ITFG1: variants seen among roughly 807,000 people sequenced by gnomAD.
ITFG1 encodes the protein T-cell immunomodulatory protein.
A neutral mutation model predicts 81.8 loss-of-function variants in ITFG1; 34 were observed. That is an observed-to-expected ratio of 0.42 (90% CI 0.32 to 0.55). The LOEUF (loss-of-function observed/expected upper bound fraction) is 0.55, where lower values mean the gene tolerates loss of function less well. ITFG1 is among the 20% of genes least tolerant of loss of function. The probability of loss-of-function intolerance (pLI) is 0.17; values close to 1 mark genes in which losing one functional copy is unlikely to be tolerated. For synonymous variants in ITFG1, 285 were observed against 270.6 expected (o/e 1.05, Z -0.52); for missense variants, 672 against 755.4 (o/e 0.89, Z 1.29).
At chr16:47,180,685 C>T (rs1283958947) in intron 14 of ITFG1, among the ~76,000 whole-genome samples, 2 of 152,196 alleles carry the variant, frequency 1.3e-5, no homozygotes, top group East Asian at 1.9e-4. Flanking sequence ...TCACTCAGTG[C>T]TCAATGGTGC....
intron 8 of ITFG1, among the ~76,000 whole-genome samples, chr16:47,339,820 C>G (rs1447870776): frequency 6.6e-6 from 1 of 151,742 alleles, no homozygotes; most frequent in Non-Finnish European, 1.5e-5. Context: ...GGCCAAAAAC[C>G]TTTAGAAATT....
rs532715270 is a variant in ITFG1, at chr16:47,164,762, A to C, written c.1454-2098T>G. ...AATGAAGATTTTCCAGGGAGCTGCT[A>C]GTTCAGACAAAATGTTGATAGTAAT... On this transcript the variant is annotated intron_variant, in intron 14 of 17. Transcript: ENST00000320640. 3.3e-4 allele frequency among the ~76,000 whole-genome samples: 51 copies of C among 152,386 alleles called. 1 individual carries two copies. Among genetic ancestry groups the C allele is most frequent in the African/African-American group, 1.2e-3 (48 of 41,598 alleles).
At chr16:47,347,578 C>G (rs1037616432) in intron 8 of ITFG1, among the ~76,000 whole-genome samples, 2 of 152,168 alleles carry the variant, frequency 1.3e-5, no homozygotes, top group Non-Finnish European at 2.9e-5. Context: ...CACCACAGCT[C>G]AAGGAGGCCT....
chr16:47,220,928 A>C (rs533261529), intron 13 of ITFG1, among the ~76,000 whole-genome samples: 11 of 152,274 alleles, frequency 7.2e-5, no homozygotes, highest in African/African-American at 2.2e-4. Context: ...ATTTAAGAAA[A>C]ATAGCTGAAT....
intron 6 of ITFG1, among the ~76,000 whole-genome samples, chr16:47,381,275 T>C (rs536977770): frequency 2.2e-4 from 34 of 152,316 alleles, no homozygotes; most frequent in Admixed American, 3.3e-4. Flanking sequence ...TGATACACTA[T>C]GGTATAAAAG....
At chr16:47,436,454 G>A (rs1370101700) in intron 5 of ITFG1, among the ~76,000 whole-genome samples, 1 of 151,984 alleles carries the variant, frequency 6.6e-6, no homozygotes, top group Admixed American at 6.6e-5. Context: ...TAAGCCAAAG[G>A]TAAAATTTTA....
chr16:47,260,672 T>C lies in ITFG1; in HGVS notation c.1094A>G (p.Glu365Gly). The change falls in exon 11 of 18, where the codon GAG becomes GGG. Residue 365 changes from glutamate to glycine, a missense_variant. This residue lies in a region of ITFG1 where 560 missense variants were observed against 625.7 expected (regional missense o/e 0.90). Coordinates refer to ENST00000320640, the MANE Select transcript of ITFG1 (RefSeq NM_030790.5). ...SGSNQQAFLLENVPCNNASCE... is the reference protein window; with the variant it reads ...SGSNQQAFLLGNVPCNNASCE... ...GCTTGCATTATTACAAGGGACGTTC[T>C]CCAGTAAAAAGGCCTGCTGGTTGCT... 1.2e-6 allele frequency: 2 copies of C among 1,614,170 alleles called. No homozygotes were observed. The highest frequency in any genetic ancestry group is 1.7e-6 in the Non-Finnish European group (2 of 1,180,026).
chr16:47,445,124 A>G (rs1477166735), intron 5 of ITFG1, among the ~76,000 whole-genome samples: 1 of 151,384 alleles, frequency 6.6e-6, no homozygotes, highest in Non-Finnish European at 1.5e-5. Flanking sequence ...AAAAAAAAAA[A>G]AAAGAAAAAC....
At chr16:47,256,212 G>GC (rs1284810905) in intron 12 of ITFG1, among the ~76,000 whole-genome samples, 5 of 152,098 alleles carry the variant, frequency 3.3e-5, no homozygotes, top group Non-Finnish European at 5.9e-5. Context: ...TGCTCTCCCT[G>GC]CCTCAGCCTC....
At chr16:47,266,407 G>A (rs1966276185) in intron 10 of ITFG1, among the ~76,000 whole-genome samples, 4 of 152,104 alleles carry the variant, frequency 2.6e-5, no homozygotes, top group Admixed American at 2.0e-4. Context: ...TAGTAGAGAT[G>A]GAGTTTCACC....
chr16:47,412,978 T>C (rs574796613), intron 6 of ITFG1, among the ~76,000 whole-genome samples: 1 of 152,278 alleles, frequency 6.6e-6, no homozygotes, highest in Admixed American at 6.5e-5. Context: ...TCCCCCAATC[T>C]GGCTAGAGAG....
chr16:47,436,078 C>A (rs569993542), intron 5 of ITFG1, among the ~76,000 whole-genome samples: 1 of 151,954 alleles, frequency 6.6e-6, no homozygotes, highest in Non-Finnish European at 1.5e-5. Flanking sequence ...TCCCTTTTAT[C>A]CTTGAACTTG....
chr16:47,449,420 A>G (rs1354325666), intron 5 of ITFG1: 2 of 152,218 alleles, frequency 1.3e-5, no homozygotes, highest in African/African-American at 2.4e-5. Flanking sequence ...CGTAGTTTTC[A>G]TATTTTAGTA....
At chr16:47,292,911 G>C (rs1966926452) in intron 10 of ITFG1, among the ~76,000 whole-genome samples, 1 of 149,110 alleles carries the variant, frequency 6.7e-6, no homozygotes, top group Non-Finnish European at 1.5e-5. Flanking sequence ...TTAGAAACTT[G>C]ACTTTGTTTC....
intron 10 of ITFG1, among the ~76,000 whole-genome samples, chr16:47,306,336 A>G (rs1283849825): frequency 3.9e-5 from 6 of 152,190 alleles, no homozygotes; most frequent in Admixed American, 1.3e-4. Context: ...ACAAGTTTCT[A>G]AAAGTATTGC....
chr16:47,436,100 C>T (rs558765417), intron 5 of ITFG1, among the ~76,000 whole-genome samples: 37 of 151,994 alleles, frequency 2.4e-4, no homozygotes, highest in African/African-American at 8.9e-4. Context: ...ACTTCCATTC[C>T]ATTTTTCTCA....
At chr16:47,241,963 A>G (rs990677521) in intron 12 of ITFG1, among the ~76,000 whole-genome samples, 2 of 151,848 alleles carry the variant, frequency 1.3e-5, no homozygotes, top group African/African-American at 4.8e-5. Context: ...CAAAAAAAAA[A>G]AAAAAGAAAA....
At chr16:47,296,355 A>C (rs1034795711) in intron 10 of ITFG1, among the ~76,000 whole-genome samples, 2 of 152,054 alleles carry the variant, frequency 1.3e-5, no homozygotes, top group African/African-American at 2.4e-5. Flanking sequence ...TGTTCAAAAA[A>C]ATTTTAATTT....
At chr16:47,190,362 A>C (rs1965277424) in intron 14 of ITFG1, among the ~76,000 whole-genome samples, 1 of 152,250 alleles carries the variant, frequency 6.6e-6, no homozygotes. Context: ...ATTTTAAACG[A>C]AATGTTTATT....
Sources: allele counts gnomAD v4.1 joint callset (sites outside exome capture counted in the v4.1 genomes callset), GRCh38; gene constraint gnomAD v4.1.1; regional missense constraint gnomAD v4.1.1; transcripts MANE v1.5; gene names NCBI Gene and HGNC (gene_info 2026-07-23, HGNC 2026-07-21).